TBC1D12: variants seen among roughly 807,000 people sequenced by gnomAD.
The protein encoded by TBC1D12 is TBC1 domain family member 12, also known as TBC1 domain family, member 12.
A neutral mutation model predicts 86.7 loss-of-function variants in TBC1D12; 56 were observed. That is an observed-to-expected ratio of 0.65 (90% CI 0.52 to 0.81). The LOEUF (loss-of-function observed/expected upper bound fraction) is 0.81. TBC1D12 is among the 30% of genes least tolerant of loss of function. The pLI, the probability that TBC1D12 is intolerant of heterozygous loss-of-function variation, is 0.00. For synonymous variants in TBC1D12, 421 were observed against 411.7 expected (o/e 1.02, Z -0.27); for missense variants, 1,023 against 1,038.8 (o/e 0.98, Z 0.21).
chr10:94,449,212 G>C (rs1383047059), intron 2 of TBC1D12, among the ~76,000 whole-genome samples: 1 of 152,034 alleles, frequency 6.6e-6, no homozygotes, highest in Non-Finnish European at 1.5e-5. Context: ...ATACTGTTTT[G>C]CTTATCAACA....
chr10:94,459,143 A>G (rs1441525537), intron 2 of TBC1D12, among the ~76,000 whole-genome samples: 1 of 151,938 alleles, frequency 6.6e-6, no homozygotes, highest in Non-Finnish European at 1.5e-5. Context: ...CCATTTTGAC[A>G]GGGTGCTGAT....
intron 1 of TBC1D12, 46 bp downstream of exon 1, chr10:94,403,630 G>A: frequency 7.1e-7 from 1 of 1,407,662 alleles, no homozygotes; most frequent in Non-Finnish European, 9.2e-7. Context: ...CGGGGCCGGG[G>A]CCGGAGCCGG....
intron 4 of TBC1D12, 108 bp from the exon 5 acceptor site, chr10:94,496,947 G>T (rs2056328531): frequency 5.7e-6 from 3 of 528,134 alleles, no homozygotes; most frequent in South Asian, 7.9e-5. Flanking sequence ...TTCCTCTTAT[G>T]ATAATATTCT....
chr10:94,476,769 A>G (rs1163506028), intron 3 of TBC1D12, among the ~76,000 whole-genome samples: 3 of 152,200 alleles, frequency 2.0e-5, no homozygotes, highest in Admixed American at 2.0e-4. Context: ...TCTTTACACC[A>G]TACTCTATTT....
At chr10:94,473,077 G>A (rs2055931520) in intron 2 of TBC1D12, among the ~76,000 whole-genome samples, 1 of 152,012 alleles carries the variant, frequency 6.6e-6, no homozygotes, top group Non-Finnish European at 1.5e-5. Context: ...AATCAAGGCC[G>A]GGCACGGTGG....
intron 4 of TBC1D12, 53 bp downstream of exon 4, chr10:94,493,500 G>A (rs1231840553): frequency 1.6e-6 from 2 of 1,242,602 alleles, no homozygotes; most frequent in South Asian, 1.3e-5. Context: ...TAAGAAGATG[G>A]ATGGTAAAAT....
intron 1 of TBC1D12, among the ~76,000 whole-genome samples, chr10:94,434,903 C>T (rs1210460933): frequency 2.6e-5 from 4 of 152,120 alleles, no homozygotes; most frequent in African/African-American, 9.7e-5. Context: ...TAAATACCTC[C>T]CATTAGGCCC....
chr10:94,531,136 A>G, intron 11 of TBC1D12, 66 bp from the exon 12 acceptor site: 4 of 1,521,252 alleles, frequency 2.6e-6, no homozygotes, highest in South Asian at 1.3e-5. Context: ...TTTTATAGAG[A>G]TGCTTACTGA....
chr10:94,422,706 T>C (rs1037883123), intron 1 of TBC1D12, among the ~76,000 whole-genome samples: 1 of 152,008 alleles, frequency 6.6e-6, no homozygotes, highest in Non-Finnish European at 1.5e-5. Context: ...TTTTGAGTAG[T>C]GGGGACTACA....
At chr10:94,452,733 G>C (rs2055569921) in intron 2 of TBC1D12, among the ~76,000 whole-genome samples, 1 of 152,084 alleles carries the variant, frequency 6.6e-6, no homozygotes, top group South Asian at 2.1e-4. Flanking sequence ...TTGTTAATAA[G>C]GCTTCTCTAG....
intron 2 of TBC1D12, among the ~76,000 whole-genome samples, chr10:94,446,815 C>T (rs2055469073): frequency 6.6e-6 from 1 of 152,110 alleles, no homozygotes; most frequent in African/African-American, 2.4e-5. Context: ...GGTGCGGTGG[C>T]TCACATCTAC....
In TBC1D12 at chr10:94,499,331, TC is replaced by T. The variant is rs538462868; in HGVS notation, c.1413-886del. Among the ~76,000 whole-genome samples, 9 of 152,238 alleles carry T rather than the reference TC, an allele frequency of 5.9e-5. No individual in the cohort carries two copies. The East Asian group carries it at 1.7e-3, about 29-fold the overall frequency. ...TTTCTCCATTCACTTTACTCCCCGC[TC>T]CCCGGCCATAACCACCATTCTACCC... On this transcript the variant is annotated intron_variant, in intron 5 of 12. Transcript: ENST00000225235.
chr10:94,500,137 A>G (rs2056375181), intron 5 of TBC1D12, 84 bp from the exon 6 acceptor site: 3 of 1,229,082 alleles, frequency 2.4e-6, no homozygotes, highest in Middle Eastern at 1.9e-4. Context: ...TCACTTGGCC[A>G]TAGACTAAAG....
chr10:94,479,370 A>G (rs905452677), intron 3 of TBC1D12, among the ~76,000 whole-genome samples: 2 of 152,114 alleles, frequency 1.3e-5, no homozygotes, highest in African/African-American at 4.8e-5. Context: ...TAACATAATG[A>G]AAAGGGATAT....
At chr10:94,494,726 G>C (rs1318391177) in intron 4 of TBC1D12, among the ~76,000 whole-genome samples, 2 of 151,838 alleles carry the variant, frequency 1.3e-5, no homozygotes, top group Non-Finnish European at 2.9e-5. Context: ...GTATTTTTTT[G>C]TGGAGACAGG....
intron 9 of TBC1D12, among the ~76,000 whole-genome samples, chr10:94,520,177 T>A (rs1842105544): frequency 6.6e-6 from 1 of 152,216 alleles, no homozygotes; most frequent in Admixed American, 6.5e-5. Context: ...TCAATAAGTA[T>A]CATTGGTCAT....
chr10:94,501,120 T>C (rs1444443751), intron 6 of TBC1D12, among the ~76,000 whole-genome samples: 1 of 135,150 alleles, frequency 7.4e-6, no homozygotes, highest in African/African-American at 2.7e-5. Flanking sequence ...ATAAATAAAA[T>C]AATTTTAAAG....
chr10:94,410,136 A>G (rs750946198), intron 1 of TBC1D12, among the ~76,000 whole-genome samples: 3 of 152,186 alleles, frequency 2.0e-5, no homozygotes, highest in African/African-American at 4.8e-5. Flanking sequence ...TGGAAAGCCA[A>G]TGATGCTGTT....
chr10:94,531,689 G>GTTATTTTA (rs1393433797), intron 12 of TBC1D12, among the ~76,000 whole-genome samples: 20 of 72,910 alleles, frequency 2.7e-4, no homozygotes, highest in African/African-American at 7.1e-4. Context: ...TTTATTTTAT[G>GTTATTTTA]TTATTTTATG....
Sources: gnomAD v4.1 joint callset for allele counts (sites outside exome capture counted in the v4.1 genomes callset) on GRCh38, gnomAD v4.1.1 for gene constraint, MANE v1.5 for transcripts, NCBI Gene and HGNC (gene_info 2026-07-23, HGNC 2026-07-21) for gene names.